ADGRL2: variants seen among roughly 807,000 people sequenced by gnomAD.
The protein encoded by ADGRL2 is adhesion G protein-coupled receptor L2.
In ADGRL2, 44 loss-of-function variants were observed where a neutral mutation model predicts 157.4. That is an observed-to-expected ratio of 0.28 (90% CI 0.22 to 0.36). The LOEUF is 0.36. Among genes scored for constraint, ADGRL2 ranks in the 10% least tolerant of loss-of-function variants. The probability of loss-of-function intolerance (pLI) is 1.00; values close to 1 mark genes in which losing one functional copy is unlikely to be tolerated. For missense variants in ADGRL2, 1,510 were observed against 1,768.9 expected (o/e 0.85, Z 2.63); for synonymous variants, 585 against 624.7 (o/e 0.94, Z 0.95).
At chr1:81,313,394 C>A (rs1207430645) in intron 1 of ADGRL2, among the ~76,000 whole-genome samples, 1 of 152,146 alleles carries the variant, frequency 6.6e-6, no homozygotes, top group Non-Finnish European at 1.5e-5. Flanking sequence ...AACATTTTCA[C>A]CCAATTCTGC....
At chr1:81,986,609 A>AT (rs1663223022) in intron 21 of ADGRL2, among the ~76,000 whole-genome samples, 1 of 152,068 alleles carries the variant, frequency 6.6e-6, no homozygotes, top group African/African-American at 2.4e-5. Context: ...TTTAATTGCC[A>AT]TTTTTGTTTA....
chr1:81,650,872 A>G (rs924550650), intron 3 of ADGRL2, among the ~76,000 whole-genome samples: 5 of 151,944 alleles, frequency 3.3e-5, no homozygotes, highest in Admixed American at 6.6e-5. Context: ...CCTTGTGGAG[A>G]GTATATTTGT....
chr1:81,653,836 G>A (rs2082474131), intron 3 of ADGRL2, among the ~76,000 whole-genome samples: 1 of 152,104 alleles, frequency 6.6e-6, no homozygotes, highest in African/African-American at 2.4e-5. Flanking sequence ...ATTGCCTACT[G>A]AATATCTCCA....
At chr1:81,474,530 A>G (rs2078234089) in intron 2 of ADGRL2, among the ~76,000 whole-genome samples, 1 of 152,202 alleles carries the variant, frequency 6.6e-6, no homozygotes, top group East Asian at 1.9e-4. Flanking sequence ...TGTGTTCAGA[A>G]AAGCAAGGTC....
chr1:81,321,747 A>G (rs568103514), intron 1 of ADGRL2, among the ~76,000 whole-genome samples: 109 of 152,200 alleles, frequency 7.2e-4, no homozygotes, highest in Non-Finnish European at 9.1e-4. Flanking sequence ...GATCATTGTC[A>G]CAGATATAAT....
At position 81,966,499 on chromosome 1, in the gene ADGRL2, C is replaced by G. The variant is rs751279635; in HGVS notation, c.2239C>G (p.Arg747Gly). The change falls in exon 13 of 24, where the codon CGT becomes GGT. Residue 747 changes from arginine to glycine, a missense_variant. By Grantham distance (125) the Arg-to-Gly change is moderately radical. Coordinates refer to ENST00000686636, the MANE Select transcript of ADGRL2 (RefSeq NM_001366006.2). ...TIKLGADFIG[R>G]NSTIAVNSHV... ...TAAACTGGGTGCTGATTTTATTGGT[C>G]GTAATAGCACCATTGCAGTGAACTC... 4 of 1,613,582 alleles carry G rather than the reference C, an allele frequency of 2.5e-6. No homozygotes were observed. The highest frequency in any genetic ancestry group is 3.4e-6 in the Non-Finnish European group (4 of 1,179,618).
At chr1:81,586,894 G>T (rs2081038040) in intron 3 of ADGRL2, among the ~76,000 whole-genome samples, 1 of 151,996 alleles carries the variant, frequency 6.6e-6, no homozygotes, top group Non-Finnish European at 1.5e-5. Context: ...CAAATCACAG[G>T]GAGCATGAAT....
chr1:81,637,850 G>A (rs17423111), intron 3 of ADGRL2, among the ~76,000 whole-genome samples: 19,246 of 151,486 alleles, frequency 0.13, 1,673 homozygotes, highest in Non-Finnish European at 0.18. Context: ...AAAATTCAGC[G>A]TACCATACAC....
chr1:81,519,070 A>C (rs1012798485), intron 2 of ADGRL2, among the ~76,000 whole-genome samples: 6 of 152,198 alleles, frequency 3.9e-5, no homozygotes, highest in African/African-American at 1.4e-4. Context: ...CAGATGGGTG[A>C]ATGGAGTCAC....
At chr1:81,839,921 A>G (rs2092484701) in intron 2 of ADGRL2, among the ~76,000 whole-genome samples, 1 of 127,296 alleles carries the variant, frequency 7.9e-6, no homozygotes, top group Admixed American at 8.1e-5. Flanking sequence ...CATCATATAT[A>G]TATGATGGAA....
At chr1:81,379,540 A>G (rs901968501) in intron 1 of ADGRL2, among the ~76,000 whole-genome samples, 28 of 152,272 alleles carry the variant, frequency 1.8e-4, no homozygotes, top group African/African-American at 6.5e-4. Flanking sequence ...AGTAGCTTTC[A>G]GCAGATAGGG....
At chr1:81,498,151 G>A (rs2078769490) in intron 2 of ADGRL2, among the ~76,000 whole-genome samples, 1 of 152,164 alleles carries the variant, frequency 6.6e-6, no homozygotes, top group Non-Finnish European at 1.5e-5. Context: ...AGTAATGTTG[G>A]TAATTATGAA....
At chr1:81,689,301 C>A (rs981170471) in intron 3 of ADGRL2, among the ~76,000 whole-genome samples, 1 of 152,066 alleles carries the variant, frequency 6.6e-6, no homozygotes, top group African/African-American at 2.4e-5. Context: ...AAAAGAACAC[C>A]CAAAAGAATG....
intron 3 of ADGRL2, among the ~76,000 whole-genome samples, chr1:81,602,667 G>C (rs2081356404): frequency 6.6e-6 from 1 of 151,954 alleles, no homozygotes; most frequent in African/African-American, 2.4e-5. Flanking sequence ...GGTAGGCCAA[G>C]GTGGGCGGAT....
chr1:81,484,097 T>A (rs1264539432), intron 2 of ADGRL2, among the ~76,000 whole-genome samples: 1 of 152,178 alleles, frequency 6.6e-6, no homozygotes, highest in Non-Finnish European at 1.5e-5. Context: ...GGGGGCTACT[T>A]ATACACACAA....
intron 2 of ADGRL2, among the ~76,000 whole-genome samples, chr1:81,507,849 T>A (rs574189467): frequency 1.1e-4 from 16 of 152,218 alleles, no homozygotes; most frequent in Non-Finnish European, 2.2e-4. Context: ...GTAGAAATAT[T>A]TTCTGCCTTT....
intron 4 of ADGRL2, 48 bp from the exon 5 acceptor site, chr1:81,941,986 T>G: frequency 1.3e-6 from 1 of 752,810 alleles, no homozygotes; most frequent in Non-Finnish European, 2.5e-6. Context: ...CTTTTTTCTT[T>G]TTTCCTTGCA....
At chr1:81,501,943 C>T (rs552945486) in intron 2 of ADGRL2, 69 of 1,613,744 alleles carry the variant, frequency 4.3e-5, no homozygotes, top group Non-Finnish European at 5.6e-5. Context: ...CTCTCTTTTC[C>T]GCCACAGCTG....
At chr1:81,958,639 G>A (rs1572368946) in intron 11 of ADGRL2, among the ~76,000 whole-genome samples, 3 of 152,158 alleles carry the variant, frequency 2.0e-5, no homozygotes, top group Admixed American at 2.0e-4. Context: ...AAAACTTGGA[G>A]GTATAATTTA....
Sources: gnomAD v4.1 joint callset for allele counts (sites outside exome capture counted in the v4.1 genomes callset) on GRCh38, gnomAD v4.1.1 for gene constraint, MANE v1.5 for transcripts, NCBI Gene and HGNC (gene_info 2026-07-23, HGNC 2026-07-21) for gene names.